The following ANKRD6 variants were observed in gnomAD, a reference collection of about 807,000 sequenced individuals.
The protein encoded by ANKRD6 is ankyrin repeat domain-containing protein 6.
Under a neutral mutation model 82.3 loss-of-function variants are expected in ANKRD6, and 56 were observed. That is an observed-to-expected ratio of 0.68 (90% CI 0.55 to 0.85). The LOEUF (loss-of-function observed/expected upper bound fraction) is 0.85. Ranked by LOEUF, ANKRD6 falls within the 40% of genes least tolerant of loss-of-function variation. The pLI is 0.00. For synonymous variants in ANKRD6, 347 were observed against 352.1 expected (o/e 0.99, Z 0.16); for missense variants, 852 against 907.6 (o/e 0.94, Z 0.79).
chr6:89,517,644 T>C (rs1781384384), intron 1 of ANKRD6, among the ~76,000 whole-genome samples: 1 of 152,244 alleles, frequency 6.6e-6, no homozygotes, highest in Non-Finnish European at 1.5e-5. Flanking sequence ...ATCAACATGA[T>C]CATTATTATA....
intron 1 of ANKRD6, among the ~76,000 whole-genome samples, chr6:89,549,515 C>T (rs1392541331): frequency 6.6e-6 from 1 of 152,106 alleles, no homozygotes; most frequent in African/African-American, 2.4e-5. Context: ...AGAAATAGAT[C>T]TCTGTTCATT....
intron 1 of ANKRD6, among the ~76,000 whole-genome samples, chr6:89,559,106 A>G (rs1787035743): frequency 6.6e-6 from 1 of 152,204 alleles, no homozygotes; most frequent in Non-Finnish European, 1.5e-5. Context: ...GCTCTCCATC[A>G]CAAGTGTAAG....
rs147922668 is a variant in ANKRD6, at chr6:89,542,511, C to T, written c.-143-24323C>T. ...CTTGTCAACTCTTTGACCACCCCCC[C>T]GCTTCCCGAGACACAGGAGGCATAG... On this transcript the variant is annotated intron_variant, in intron 1 of 15. Transcript: ENST00000339746. 1.7e-4 allele frequency among the ~76,000 whole-genome samples: 26 copies of T among 152,212 alleles called. No homozygotes were observed. The South Asian group carries it at 3.5e-3, about 21-fold the overall frequency.
chr6:89,473,491 T>G (rs962690979), intron 1 of ANKRD6, among the ~76,000 whole-genome samples: 2 of 152,198 alleles, frequency 1.3e-5, no homozygotes, highest in African/African-American at 4.8e-5. Context: ...CTCATCTTTA[T>G]TCTCATCCTT....
chr6:89,576,946 T>C (rs1221905185), intron 2 of ANKRD6, among the ~76,000 whole-genome samples: 2 of 152,106 alleles, frequency 1.3e-5, no homozygotes, highest in Non-Finnish European at 2.9e-5. Context: ...TTATTTTTTT[T>C]TGAGACAAGA....
At chr6:89,475,855 C>T (rs1775975595) in intron 1 of ANKRD6, among the ~76,000 whole-genome samples, 1 of 152,178 alleles carries the variant, frequency 6.6e-6, no homozygotes, top group African/African-American at 2.4e-5. Flanking sequence ...GTGAAACCAA[C>T]CATGAGTTGA....
chr6:89,516,724 A>G (rs1451473277), intron 1 of ANKRD6, among the ~76,000 whole-genome samples: 2 of 152,162 alleles, frequency 1.3e-5, no homozygotes, highest in East Asian at 1.9e-4. Context: ...TGATCAACCC[A>G]TCTTGGCCTC....
chr6:89,496,092 T>A (rs1778576069), intron 1 of ANKRD6, among the ~76,000 whole-genome samples: 1 of 151,666 alleles, frequency 6.6e-6, no homozygotes, highest in Non-Finnish European at 1.5e-5. Flanking sequence ...CTGTCTCCCA[T>A]CTACAAAATG....
rs150232401 is a variant in ANKRD6 at position 89,483,754 on chromosome 6, A to C, written c.-144+50379A>C. On this transcript the variant is annotated intron_variant, in intron 1 of 15. Transcript: ENST00000339746. ...ATTAATTTGAATTATGTAAGGAGAG[A>C]AACAGAGAGATATATTTGTGCACGT... 3.9e-3 allele frequency among the ~76,000 whole-genome samples: 597 copies of C among 152,344 alleles called. 4 individuals carry two copies. The highest frequency in any genetic ancestry group is 0.014 in the African/African-American group (568 of 41,572).
At chr6:89,491,187 G>C (rs1777968148) in intron 1 of ANKRD6, among the ~76,000 whole-genome samples, 1 of 152,200 alleles carries the variant, frequency 6.6e-6, no homozygotes, top group African/African-American at 2.4e-5. Context: ...ACACATTTCT[G>C]TTGTACCAAG....
At chr6:89,532,901 G>T (rs1315833576) in intron 1 of ANKRD6, among the ~76,000 whole-genome samples, 1 of 149,328 alleles carries the variant, frequency 6.7e-6, no homozygotes, top group African/African-American at 2.5e-5. Context: ...TTGAGATGGA[G>T]TCTCGCTCTG....
intron 1 of ANKRD6, among the ~76,000 whole-genome samples, chr6:89,516,844 C>T (rs940835344): frequency 2.6e-5 from 4 of 151,904 alleles, no homozygotes; most frequent in African/African-American, 9.7e-5. Context: ...TCTGGAGGAC[C>T]CCAATAACAG....
chr6:89,608,753 CT>C (rs1679273728), intron 5 of ANKRD6, among the ~76,000 whole-genome samples: 1 of 152,320 alleles, frequency 6.6e-6, no homozygotes, highest in African/African-American at 2.4e-5. Context: ...CTTAGGACAT[CT>C]TCAAGTCTCA....
intron 1 of ANKRD6, among the ~76,000 whole-genome samples, chr6:89,466,093 A>G (rs1236715888): frequency 6.6e-6 from 1 of 152,016 alleles, no homozygotes; most frequent in Admixed American, 6.6e-5. Context: ...TGGACATCAT[A>G]CTCTTCATGC....
At chr6:89,444,423 G>A (rs1771804420) in intron 1 of ANKRD6, among the ~76,000 whole-genome samples, 1 of 152,184 alleles carries the variant, frequency 6.6e-6, no homozygotes, top group African/African-American at 2.4e-5. Flanking sequence ...ATTGAAGTTA[G>A]GTTGCTACTG....
intron 1 of ANKRD6, among the ~76,000 whole-genome samples, chr6:89,512,123 G>C (rs1281009646): frequency 1.3e-5 from 2 of 152,054 alleles, no homozygotes; most frequent in African/African-American, 4.8e-5. Context: ...TGTTCTTTGA[G>C]TCCTGGAGAA....
At chr6:89,565,338 CTCTT>C (rs1266486309) in intron 1 of ANKRD6, 2 of 152,222 alleles carry the variant, frequency 1.3e-5, no homozygotes, top group Non-Finnish European at 2.9e-5. Context: ...GAGTTCCTCT[CTCTT>C]TTTCTGCTAT....
At chr6:89,532,725 G>A (rs1026053909) in intron 1 of ANKRD6, among the ~76,000 whole-genome samples, 1 of 150,882 alleles carries the variant, frequency 6.6e-6, no homozygotes, top group South Asian at 2.1e-4. Context: ...TTTTTGAGAT[G>A]AGATCTCACT....
intron 2 of ANKRD6, among the ~76,000 whole-genome samples, chr6:89,594,198 A>C (rs966374169): frequency 3.7e-4 from 56 of 152,142 alleles, no homozygotes; most frequent in African/African-American, 1.3e-3. Flanking sequence ...AACGCCTGCA[A>C]TCTCAGCACT....
Sources: allele counts gnomAD v4.1 joint callset (sites outside exome capture counted in the v4.1 genomes callset), GRCh38; gene constraint gnomAD v4.1.1; transcripts MANE v1.5; gene names NCBI Gene and HGNC (gene_info 2026-07-23, HGNC 2026-07-21).